Variants in USH2A observed in about 807,000 individuals in gnomAD.
USH2A encodes usherin.
USH2A carries 443 observed loss-of-function variants against 538.9 expected under a neutral mutation model. The ratio of observed to expected loss-of-function variants is 0.82; its 90% CI spans 0.76 to 0.89. USH2A has a LOEUF of 0.89. Ranked by LOEUF, USH2A falls within the 40% of genes least tolerant of loss-of-function variation. The pLI, the probability that USH2A is intolerant of heterozygous loss-of-function variation, is 0.00. For missense variants in USH2A, 6,633 were observed against 6,324.8 expected (o/e 1.05, Z -1.65); for synonymous variants, 2,413 against 2,273.5 (o/e 1.06, Z -1.75).
chr1:216,083,462 A>G lies in USH2A; in HGVS notation c.5292T>C (p.Phe1764=). The stretch of plus-strand genomic sequence containing the variant: ...ATCAAATTAATTCACATACAGCAAG[A>G]AAATCAGGTCCATCTTTGTTATAAA... The part of the protein sequence containing the change: ...LFVYNKDGPD[F]LAMELKSGIL... Residue 1764 remains phenylalanine (F), a synonymous_variant, in exon 26 of 72, where the codon TTT becomes TTC. Transcript: ENST00000307340. 1 of 1,611,402 alleles carries G rather than the reference A, an allele frequency of 6.2e-7. No individual in the cohort carries two copies. The highest frequency in any genetic ancestry group is 8.5e-7 in the Non-Finnish European group (1 of 1,178,908).
intron 21 of USH2A, among the ~76,000 whole-genome samples, chr1:216,151,130 T>C (rs553288560): frequency 9.9e-4 from 150 of 152,218 alleles, no homozygotes; most frequent in Non-Finnish European, 1.7e-3. Flanking sequence ...CGTTTTCTCA[T>C]ACACCATGAA....
intron 4 of USH2A, among the ~76,000 whole-genome samples, chr1:216,361,039 C>T (rs2038480917): frequency 6.6e-6 from 1 of 151,888 alleles, no homozygotes; most frequent in African/African-American, 2.4e-5. Flanking sequence ...AATATTTTGG[C>T]CCAAGTATAG....
intron 61 of USH2A, among the ~76,000 whole-genome samples, chr1:215,722,020 G>A (rs918367745): frequency 6.6e-6 from 1 of 151,214 alleles, no homozygotes; most frequent in Non-Finnish European, 1.5e-5. Flanking sequence ...AGCTATGATG[G>A]TGCCACTGCA....
intron 58 of USH2A, among the ~76,000 whole-genome samples, chr1:215,757,851 A>C (rs1371316490): frequency 6.6e-6 from 1 of 152,208 alleles, no homozygotes; most frequent in African/African-American, 2.4e-5. Flanking sequence ...ACATGGGTGA[A>C]GTGAACAACT....
intron 4 of USH2A, among the ~76,000 whole-genome samples, chr1:216,327,904 T>G (rs1420759979): frequency 6.6e-6 from 1 of 152,132 alleles, no homozygotes; most frequent in African/African-American, 2.4e-5. Flanking sequence ...TATTTACTGA[T>G]CGAACTCATG....
At chr1:216,052,378 A>G (rs1438892627) in intron 30 of USH2A, among the ~76,000 whole-genome samples, 2 of 148,474 alleles carry the variant, frequency 1.3e-5, no homozygotes, top group Non-Finnish European at 3.0e-5. Flanking sequence ...AAAAAAAAAA[A>G]GAAAGAAAAA....
At chr1:216,357,585 C>A (rs2038412779) in intron 4 of USH2A, among the ~76,000 whole-genome samples, 1 of 152,102 alleles carries the variant, frequency 6.6e-6, no homozygotes, top group Non-Finnish European at 1.5e-5. Context: ...TCCTTTTCTT[C>A]CCTGCATATT....
At chr1:215,862,998 A>C (rs755306129) in intron 44 of USH2A, among the ~76,000 whole-genome samples, 2 of 152,254 alleles carry the variant, frequency 1.3e-5, no homozygotes, top group South Asian at 2.1e-4. Flanking sequence ...ATCACCAACA[A>C]GAGAACAGGA....
chr1:216,317,951 T>C (rs2037539655), intron 9 of USH2A, among the ~76,000 whole-genome samples: 1 of 152,210 alleles, frequency 6.6e-6, no homozygotes, highest in South Asian at 2.1e-4. Flanking sequence ...ACACTGTTTC[T>C]ACCTGTGAGC....
At position 215,675,576 on chromosome 1, in the gene USH2A, C is replaced by T. The variant is rs543780464; in HGVS notation, c.12335G>A (p.Gly4112Asp). The change falls in exon 63 of 72, where the codon GGT (glycine) becomes GAT (aspartate). Residue 4112 changes from glycine (G) to aspartate (D), a missense_variant. Physicochemically the swap from Gly to Asp is moderately conservative, Grantham distance 94 (BLOSUM62 -1). Coordinates refer to ENST00000307340, the MANE Select transcript of USH2A (RefSeq NM_206933.4). Reference protein sequence around the residue: ...IFSDGFLEYSGLNRQFLFRRL... With the variant: ...IFSDGFLEYSDLNRQFLFRRL... The stretch of plus-strand genomic sequence containing the variant: ...GCGGAAGAGAAACTGACGATTCAAA[C>T]CAGAGTACTCCAGGAACCCGTCACT... 2 of 1,614,068 alleles carry T rather than the reference C, an allele frequency of 1.2e-6. No homozygotes were observed. The highest frequency in any genetic ancestry group is 1.7e-6 in the Non-Finnish European group (2 of 1,179,998).
chr1:215,976,908 T>C (rs1170180213), intron 35 of USH2A, among the ~76,000 whole-genome samples: 3 of 151,994 alleles, frequency 2.0e-5, no homozygotes, highest in South Asian at 2.1e-4. Flanking sequence ...TGATATTTTG[T>C]AACAGTTTTA....
chr1:215,963,725 G>T (rs1359944501), intron 37 of USH2A, among the ~76,000 whole-genome samples: 1 of 152,014 alleles, frequency 6.6e-6, no homozygotes, highest in African/African-American at 2.4e-5. Flanking sequence ...TGCTTGCCTT[G>T]GTCTGGAGTC....
At chr1:216,007,065 T>C (rs1274404672) in intron 32 of USH2A, among the ~76,000 whole-genome samples, 1 of 152,154 alleles carries the variant, frequency 6.6e-6, no homozygotes, top group Non-Finnish European at 1.5e-5. Context: ...TCATGAGATC[T>C]AATGGTTCCA....
At chr1:216,344,576 G>A (rs1198208696) in intron 4 of USH2A, among the ~76,000 whole-genome samples, 2 of 151,988 alleles carry the variant, frequency 1.3e-5, no homozygotes, top group Admixed American at 6.6e-5. Flanking sequence ...AACCATGGAA[G>A]GGACAACACG....
chr1:215,624,513 T>C lies in USH2A; in HGVS notation c.*1268A>G, dbSNP rs1236827160. On this transcript the variant is annotated 3_prime_UTR_variant, in exon 72 of 72. Transcript: ENST00000307340. Reference sequence around the variant, plus strand: ...CTGGGGTCACAAAGACCTTTAAGGATGAAGGAAGACAAGAGGTTTTCTTAC... The same window carrying C: ...CTGGGGTCACAAAGACCTTTAAGGACGAAGGAAGACAAGAGGTTTTCTTAC... The C allele has an allele frequency of 6.6e-6, 1 of 152,180 alleles. No homozygotes were observed. The highest frequency in any genetic ancestry group is 1.5e-5 in the Non-Finnish European group (1 of 68,024). The allele number at this position is 152,180 out of a possible 1,614,324, so 9.4% of individuals were successfully genotyped here.
intron 43 of USH2A, among the ~76,000 whole-genome samples, chr1:215,870,067 C>T (rs1664582863): frequency 6.6e-6 from 1 of 151,624 alleles, no homozygotes; most frequent in Non-Finnish European, 1.5e-5. Context: ...ACCCTGAGAC[C>T]CTGAGAAACA....
intron 44 of USH2A, among the ~76,000 whole-genome samples, chr1:215,850,331 G>A (rs551859781): frequency 6.6e-6 from 1 of 152,172 alleles, no homozygotes; most frequent in South Asian, 2.1e-4. Context: ...GAAGATAAAA[G>A]CTATCTTCTG....
In USH2A at chr1:216,312,422, T is replaced by G. The variant is rs1391032226; in HGVS notation, c.1644+9461A>C. Among the ~76,000 whole-genome samples, 4 of 152,176 alleles carry G rather than the reference T, an allele frequency of 2.6e-5. No individual in the cohort carries two copies. The East Asian group carries it at 7.7e-4, about 29-fold the overall frequency. On this transcript the variant is annotated intron_variant, in intron 9 of 71. Transcript: ENST00000307340. ...CTCTTCTTCTTCTTCTTCCCCATTA[T>G]ATGTATTTACATTTTTGGTAGCTGT... is the stretch of plus-strand genomic sequence containing the variant.
chr1:215,761,428 T>C (rs1660978425), intron 56 of USH2A, among the ~76,000 whole-genome samples: 1 of 152,202 alleles, frequency 6.6e-6, no homozygotes, highest in Non-Finnish European at 1.5e-5. Flanking sequence ...TTTGACATAC[T>C]ATTATTTTTA....
Sources: allele counts gnomAD v4.1 joint callset (sites outside exome capture counted in the v4.1 genomes callset), GRCh38; gene constraint gnomAD v4.1.1; transcripts MANE v1.5; gene names NCBI Gene and HGNC (gene_info 2026-07-23, HGNC 2026-07-21).